The following INTS4 variants were observed in gnomAD, a reference collection of about 807,000 sequenced individuals.
INTS4 encodes the protein MSTP093.
A neutral mutation model predicts 119.5 loss-of-function variants in INTS4; 70 were observed. That is an observed-to-expected ratio of 0.59 (90% CI 0.48 to 0.71). The LOEUF (loss-of-function observed/expected upper bound fraction) is 0.71, where lower values mean the gene tolerates loss of function less well. Among genes scored for constraint, INTS4 ranks in the 30% least tolerant of loss-of-function variants. The pLI, the probability that INTS4 is intolerant of heterozygous loss-of-function variation, is 0.00. For synonymous variants in INTS4, 316 were observed against 419.6 expected (o/e 0.75, Z 3.02); for missense variants, 867 against 1,173.2 (o/e 0.74, Z 3.81).
intron 2 of INTS4, among the ~76,000 whole-genome samples, chr11:77,984,262 G>A (rs1856367491): frequency 6.6e-6 from 1 of 152,182 alleles, no homozygotes; most frequent in Admixed American, 6.5e-5. Flanking sequence ...GGAGGCCAAG[G>A]CAGGCAGATC....
intron 11 of INTS4, among the ~76,000 whole-genome samples, chr11:77,927,351 T>C (rs1398360927): frequency 2.6e-5 from 4 of 152,202 alleles, no homozygotes; most frequent in Non-Finnish European, 5.9e-5. Flanking sequence ...GCTGAGAGAA[T>C]GGTAGGGACC....
chr11:77,991,017 G>A, intron 2 of INTS4, 91 bp downstream of exon 2: 1 of 1,103,114 alleles, frequency 9.1e-7, no homozygotes, highest in Non-Finnish European at 1.3e-6. Flanking sequence ...GCTTCCTAAT[G>A]AATACCCTAT....
chr11:77,985,809 A>G (rs934729994), intron 2 of INTS4, among the ~76,000 whole-genome samples: 2 of 152,214 alleles, frequency 1.3e-5, no homozygotes, highest in African/African-American at 4.8e-5. Context: ...TAGCCCCTAA[A>G]GGACAAAGAA....
downstream of INTS4, chr11:77,876,996 T>C (rs780294971): frequency 6.0e-5 from 42 of 703,152 alleles, no homozygotes; most frequent in Non-Finnish European, 1.1e-4. Flanking sequence ...AGGGCTGTGG[T>C]ACAATTCCAC....
At chr11:77,894,875 C>G (rs1019461150) in intron 18 of INTS4, among the ~76,000 whole-genome samples, 1 of 152,222 alleles carries the variant, frequency 6.6e-6, no homozygotes, top group Non-Finnish European at 1.5e-5. Context: ...CATCTGGAAA[C>G]TAGTTCATTT....
chr11:77,983,507 A>G (rs1445627425), intron 2 of INTS4, among the ~76,000 whole-genome samples: 2 of 152,260 alleles, frequency 1.3e-5, no homozygotes, highest in African/African-American at 4.8e-5. Context: ...ACCCAAATCA[A>G]AACTGGGCAA....
chr11:77,979,158 A>C (rs965470993), intron 3 of INTS4, 56 bp from the exon 4 acceptor site: 72 of 966,790 alleles, frequency 7.4e-5, no homozygotes, highest in Non-Finnish European at 1.1e-4. Context: ...TAACTATATA[A>C]ACTAATTTAC....
chr11:77,945,718 G>A (rs1173302001), intron 8 of INTS4, among the ~76,000 whole-genome samples: 1 of 152,036 alleles, frequency 6.6e-6, no homozygotes, highest in Non-Finnish European at 1.5e-5. Context: ...CCAATCCTGC[G>A]GCAGCCCCAC....
At chr11:77,975,628 T>C (rs192390074) in intron 4 of INTS4, among the ~76,000 whole-genome samples, 91 of 152,250 alleles carry the variant, frequency 6.0e-4, no homozygotes, top group African/African-American at 2.1e-3. Context: ...GTGACAGATC[T>C]GCCATTGACA....
At position 77,883,812 on chromosome 11, in the gene INTS4, C is replaced by T. The variant is rs766558458; in HGVS notation, c.2713+20G>A. 3.7e-6 allele frequency: 6 copies of T among 1,611,522 alleles called. No individual in the cohort carries two copies. Among genetic ancestry groups the T allele is most frequent in the Non-Finnish European group, 5.1e-6 (6 of 1,178,600 alleles). On this transcript the variant is annotated intron_variant, in intron 22 of 22. Coordinates refer to ENST00000534064, the MANE Select transcript of INTS4 (RefSeq NM_033547.4). Reference sequence around the variant, plus strand: ...CTCCAGCAGCATATTTCCCTTCCCACCCTGGTCCTGACTCCTTACCTGTCC... The same window carrying T: ...CTCCAGCAGCATATTTCCCTTCCCATCCTGGTCCTGACTCCTTACCTGTCC...
downstream of INTS4, among the ~76,000 whole-genome samples, chr11:77,878,522 A>G (rs1430895512): frequency 6.6e-6 from 1 of 152,198 alleles, no homozygotes; most frequent in Non-Finnish European, 1.5e-5. Flanking sequence ...AAAAAAGTAC[A>G]GCTGTTAAAG....
At chr11:77,938,482 T>C (rs1206136518) in intron 10 of INTS4, among the ~76,000 whole-genome samples, 169 bp downstream of exon 10, 1 of 152,216 alleles carries the variant, frequency 6.6e-6, no homozygotes, top group Non-Finnish European at 1.5e-5. Flanking sequence ...CATTGTCTCA[T>C]ACTACTGGGG....
chr11:77,883,997 A>T, intron 21 of INTS4, 45 bp from the exon 22 acceptor site: 1 of 1,586,982 alleles, frequency 6.3e-7, no homozygotes. Flanking sequence ...CGAGAGGAGC[A>T]TTTAACAAAA....
At chr11:77,893,536 G>A (rs537613437) in intron 19 of INTS4, among the ~76,000 whole-genome samples, 10 of 152,290 alleles carry the variant, frequency 6.6e-5, no homozygotes, top group African/African-American at 2.4e-4. Context: ...TTTAGCCCAC[G>A]AGTTCAAGGG....
At position 77,963,603 on chromosome 11, in the gene INTS4, AT is replaced by A. The variant is rs1398821899; in HGVS notation, c.472-2466del. 1.1e-4 allele frequency: 35 copies of A among 323,392 alleles called. No homozygotes were observed. In the East Asian group the frequency reaches 2.9e-3, roughly 26 times the overall value. The allele number at this position is 323,392 out of a possible 1,614,324, so 20.0% of individuals were successfully genotyped here. On this transcript the variant is annotated intron_variant, in intron 4 of 22. Transcript: ENST00000534064. Reference sequence around the variant, plus strand: ...ATTTTGCTATATATTAAAAAAATAAATGGTTCTGTGTATCAACAAAATCTGA... The same window carrying A: ...ATTTTGCTATATATTAAAAAAATAAAGGTTCTGTGTATCAACAAAATCTGA...
intron 13 of INTS4, among the ~76,000 whole-genome samples, 195 bp downstream of exon 13, chr11:77,922,159 CAG>C (rs1953377451): frequency 6.8e-6 from 1 of 147,310 alleles, no homozygotes; most frequent in South Asian, 2.1e-4. Flanking sequence ...ACCCGGGAGG[CAG>C]AGGTTTCAGT....
intron 15 of INTS4, among the ~76,000 whole-genome samples, chr11:77,909,873 C>T (rs1249217216): frequency 6.6e-6 from 1 of 152,144 alleles, no homozygotes; most frequent in African/African-American, 2.4e-5. Context: ...CAGAGAAATG[C>T]AAATCAAAAC....
intron 10 of INTS4, among the ~76,000 whole-genome samples, chr11:77,936,726 A>G (rs1017557383): frequency 2.0e-5 from 3 of 152,214 alleles, no homozygotes; most frequent in African/African-American, 7.2e-5. Flanking sequence ...GATACTATCC[A>G]AAATCAAACA....
chr11:77,919,160 G>C (rs968462411), intron 14 of INTS4, among the ~76,000 whole-genome samples, 182 bp from the exon 15 acceptor site: 36 of 152,190 alleles, frequency 2.4e-4, no homozygotes, highest in Non-Finnish European at 4.7e-4. Context: ...TAAAGAGAAA[G>C]AGACAAAATG....
Sources: gnomAD v4.1 joint callset for allele counts (sites outside exome capture counted in the v4.1 genomes callset) on GRCh38, gnomAD v4.1.1 for gene constraint, MANE v1.5 for transcripts, NCBI Gene and HGNC (gene_info 2026-07-23, HGNC 2026-07-21) for gene names.